The following CERS6 variants were observed in gnomAD, a reference collection of about 807,000 sequenced individuals.
The protein encoded by CERS6 is LAG1 homolog, ceramide synthase 6.
A neutral mutation model predicts 56.8 loss-of-function variants in CERS6; 26 were observed. The observed-to-expected ratio is 0.46, with a 90% confidence interval of 0.34 to 0.63. The LOEUF is 0.63. Ranked by LOEUF, CERS6 falls within the 30% of genes least tolerant of loss-of-function variation. The pLI is 0.01. For synonymous variants in CERS6, 164 were observed against 173.3 expected (o/e 0.95, Z 0.42); for missense variants, 415 against 467.5 (o/e 0.89, Z 1.04).
At chr2:168,461,190 A>G (rs370748078) in intron 1 of CERS6, among the ~76,000 whole-genome samples, 30 of 152,340 alleles carry the variant, frequency 2.0e-4, no homozygotes, top group African/African-American at 6.5e-4. Context: ...AACAACTTGC[A>G]TACAACCATG....
At position 168,561,433 on chromosome 2, in the gene CERS6, C is replaced by G. The variant is rs192769684; in HGVS notation, c.407+111C>G. 114 of 1,209,768 alleles carry G rather than the reference C, an allele frequency of 9.4e-5. No individual in the cohort carries two copies. The African/African-American group carries it at 1.5e-3, about 16-fold the overall frequency. 74.9% of individuals were successfully genotyped at this position (1,209,768 alleles called of 1,614,324 possible). A position where few individuals can be genotyped will look rare whatever the true frequency, so the allele number is the denominator to read the frequency against. The stretch of plus-strand genomic sequence containing the variant: ...TCAGCAGCCCTTAAAAAGCTGCAAT[C>G]TGGTGGGAAAATAGTTCAGGAAAAA... On this transcript the variant is annotated intron_variant, in intron 3 of 9. Coordinates refer to ENST00000305747, the MANE Select transcript of CERS6 (RefSeq NM_203463.3).
chr2:168,687,381 A>G (rs150330901), intron 4 of CERS6, among the ~76,000 whole-genome samples: 66 of 152,348 alleles, frequency 4.3e-4, no homozygotes, highest in Middle Eastern at 3.4e-3. Flanking sequence ...ACTTTTCCCT[A>G]GTACCTTACT....
chr2:168,564,749 C>T lies in CERS6; in HGVS notation c.407+3427C>T, dbSNP rs370531514. Among the ~76,000 whole-genome samples, 10 of 152,138 alleles carry T rather than the reference C, an allele frequency of 6.6e-5. No homozygotes were observed. The East Asian group carries it at 1.3e-3, about 21-fold the overall frequency. On this transcript the variant is annotated intron_variant, in intron 3 of 9. Coordinates refer to ENST00000305747, the MANE Select transcript of CERS6 (RefSeq NM_203463.3). ...TCCCAGGCCCTCTCTGAAGTGTGGC[C>T]TGACTATTGGGGCTGGAGTGAGCAC... is the stretch of plus-strand genomic sequence containing the variant.
intron 4 of CERS6, among the ~76,000 whole-genome samples, chr2:168,688,939 G>A (rs1373401841): frequency 6.6e-6 from 1 of 152,132 alleles, no homozygotes; most frequent in Non-Finnish European, 1.5e-5. Context: ...AATCAGCCAA[G>A]AAGCTCACAA....
chr2:168,705,473 G>A (rs1358860524), intron 6 of CERS6, among the ~76,000 whole-genome samples: 1 of 152,188 alleles, frequency 6.6e-6, no homozygotes, highest in East Asian at 1.9e-4. Context: ...ATGTTTGTGA[G>A]GGGTTGGGAG....
Position 168,456,669 on chromosome 2 carries a change from C to T in CERS6, c.170+51C>T. On this transcript the variant is annotated intron_variant, in intron 1 of 9. Coordinates refer to ENST00000305747, the MANE Select transcript of CERS6 (RefSeq NM_203463.3). This position sits in a 1 kb window ranked among gnomAD's most constrained non-coding sequence, Gnocchi z 4.1. The stretch of plus-strand genomic sequence containing the variant: ...CCCTCCCCCTGCGCACACACACGCG[C>T]GCACACACTCGCGCGCTCTCTGGCG... 6.4e-7 allele frequency: 1 copy of T among 1,562,082 alleles called. No individual in the cohort carries two copies. Among genetic ancestry groups the T allele is most frequent in the Non-Finnish European group, 8.7e-7 (1 of 1,144,858 alleles).
At chr2:168,578,616 AGAGAGAAAG>A (rs1683335463) in intron 3 of CERS6, among the ~76,000 whole-genome samples, 1 of 152,208 alleles carries the variant, frequency 6.6e-6, no homozygotes, top group African/African-American at 2.4e-5. Context: ...TATAAAAATA[AGAGAGAAAG>A]GAGAGAAAAG....
At chr2:168,757,790 C>T (rs1684458889) in intron 8 of CERS6, among the ~76,000 whole-genome samples, 1 of 152,138 alleles carries the variant, frequency 6.6e-6, no homozygotes, top group Admixed American at 6.5e-5. Flanking sequence ...AATTAGGCAC[C>T]CATGCCGCAA....
At chr2:168,696,083 T>C (rs191776470) in intron 6 of CERS6, among the ~76,000 whole-genome samples, 32 of 152,278 alleles carry the variant, frequency 2.1e-4, no homozygotes, top group African/African-American at 7.7e-4. Flanking sequence ...TCCCAAGCAT[T>C]TGGGGTAAGG....
chr2:168,644,165 A>G (rs1325058295), intron 4 of CERS6: 1 of 957,258 alleles, frequency 1.0e-6, no homozygotes, highest in African/African-American at 1.8e-5. Context: ...TAAGTGCTGT[A>G]GTGATGATGA....
chr2:168,664,624 A>G (rs1018941720), intron 4 of CERS6, among the ~76,000 whole-genome samples: 1 of 152,154 alleles, frequency 6.6e-6, no homozygotes, highest in East Asian at 1.9e-4. Flanking sequence ...TTTTTAGACC[A>G]TATAGGGTAA....
chr2:168,756,657 T>C (rs950985159), intron 8 of CERS6, among the ~76,000 whole-genome samples: 1 of 152,166 alleles, frequency 6.6e-6, no homozygotes, highest in Admixed American at 6.5e-5. Flanking sequence ...GCAGAAATGC[T>C]GAACAGAGAT....
At chr2:168,606,955 G>A in intron 3 of CERS6, among the ~76,000 whole-genome samples, 1 of 152,162 alleles carries the variant, frequency 6.6e-6, no homozygotes, top group Non-Finnish European at 1.5e-5. Context: ...ATGATTGTAA[G>A]TTTCCTGAGG....
chr2:168,583,959 A>G (rs943895883), intron 3 of CERS6, among the ~76,000 whole-genome samples: 1 of 152,224 alleles, frequency 6.6e-6, no homozygotes, highest in African/African-American at 2.4e-5. Context: ...CATGTACTGA[A>G]TACTTAGAAT....
chr2:168,579,693 C>A (rs896826982), intron 3 of CERS6, among the ~76,000 whole-genome samples: 1 of 152,214 alleles, frequency 6.6e-6, no homozygotes, highest in Non-Finnish European at 1.5e-5. Context: ...AGAGCCCTCC[C>A]CGTCTCTGCT....
intron 1 of CERS6, among the ~76,000 whole-genome samples, chr2:168,464,924 C>T (rs1049601496): frequency 3.9e-5 from 6 of 152,172 alleles, no homozygotes; most frequent in Non-Finnish European, 8.8e-5. Context: ...CAAATTGGAT[C>T]TGTTGTGCAC....
At chr2:168,553,471 C>CA (rs1321568176) in intron 2 of CERS6, among the ~76,000 whole-genome samples, 2 of 151,786 alleles carry the variant, frequency 1.3e-5, no homozygotes, top group Non-Finnish European at 1.5e-5. Flanking sequence ...AGCAGCTGGG[C>CA]AAAAAATCAG....
At chr2:168,478,702 T>G (rs1276731079) in intron 1 of CERS6, among the ~76,000 whole-genome samples, 1 of 152,202 alleles carries the variant, frequency 6.6e-6, no homozygotes, top group African/African-American at 2.4e-5. Flanking sequence ...CTTTTATCAC[T>G]GGAGCTGGTT....
Position 168,496,540 on chromosome 2 carries a change from G to A in CERS6, c.170+39922G>A, listed in dbSNP as rs985912110. Reference sequence around the variant, plus strand: ...ACTATCACCAGCACCTGGGACACCCGCACACAGAGTTCAGCTCTATAATTC... The same window carrying A: ...ACTATCACCAGCACCTGGGACACCCACACACAGAGTTCAGCTCTATAATTC... On this transcript the variant is annotated intron_variant, in intron 1 of 9. Coordinates refer to ENST00000305747, the MANE Select transcript of CERS6 (RefSeq NM_203463.3). Among the ~76,000 whole-genome samples the A allele has an allele frequency of 9.2e-5, 14 of 152,098 alleles. 1 individual carries two copies. The highest frequency in any genetic ancestry group is 7.7e-4 in the East Asian group (4 of 5,200).
Sources: allele counts gnomAD v4.1 joint callset (sites outside exome capture counted in the v4.1 genomes callset), GRCh38; gene constraint gnomAD v4.1.1; non-coding constraint Gnocchi (gnomAD v3.1); transcripts MANE v1.5; gene names NCBI Gene and HGNC (gene_info 2026-07-23, HGNC 2026-07-21).